Variants in CYRIB observed in about 807,000 individuals in gnomAD.
The protein encoded by CYRIB is CYFIP related Rac1 interactor B, also known as CYFIP-related Rac1 interactor B.
CYRIB carries 8 observed loss-of-function variants against 44.2 expected under a neutral mutation model. The observed-to-expected ratio is 0.18, with a 90% CI of 0.11 to 0.33. CYRIB has a LOEUF of 0.33. Among genes scored for constraint, CYRIB ranks in the 10% least tolerant of loss-of-function variants. The pLI is 1.00. For missense variants in CYRIB, 185 were observed against 382.8 expected, an observed-to-expected ratio of 0.48 and a Z score of 4.31; for synonymous variants, 131 against 127.2, an observed-to-expected ratio of 1.03 and a Z score of -0.20.
chr8:130,000,621 G>A (rs1200132651), intron 1 of CYRIB, among the ~76,000 whole-genome samples: 7 of 152,164 alleles, frequency 4.6e-5, no homozygotes, highest in Non-Finnish European at 1.0e-4. Flanking sequence ...AAACCCAAGA[G>A]GTTGAGGTTG....
chr8:129,983,720 G>A (rs1591740386), intron 1 of CYRIB, among the ~76,000 whole-genome samples: 1 of 152,144 alleles, frequency 6.6e-6, no homozygotes, highest in Admixed American at 6.5e-5. Flanking sequence ...CGGGGACGCT[G>A]GGGACGCGGG....
In CYRIB at chr8:129,963,696, A is replaced by G. The variant is rs193038485; in HGVS notation, c.-243+7247T>C. On this transcript the variant is annotated intron_variant, in intron 2 of 14. Coordinates refer to the CYRIB transcript ENST00000401979. Reference sequence around the variant, plus strand: ...AAAACCATTACATCCCACGTTGCACAGAAGGGCGATGATACTTAAAGCTCT... The same window carrying G: ...AAAACCATTACATCCCACGTTGCACGGAAGGGCGATGATACTTAAAGCTCT... 3.2e-4 allele frequency among the ~76,000 whole-genome samples: 49 copies of G among 152,344 alleles called. No individual in the cohort carries two copies. The East Asian group carries it at 8.7e-3, about 27-fold the overall frequency.
In CYRIB at chr8:129,933,896, A is replaced by G. The variant is rs568490332; in HGVS notation, c.-50+5712T>C. The stretch of plus-strand genomic sequence containing the variant: ...GACTCTGTCACACACACAAAAAAAA[A>G]AAGAAGAAGAAGAAGAAGAAGAAGA... On this transcript the variant is annotated intron_variant, in intron 1 of 11. Transcript: ENST00000519824. 8.0e-5 allele frequency among the ~76,000 whole-genome samples: 12 copies of G among 150,470 alleles called. No homozygotes were observed. In the East Asian group the frequency reaches 1.4e-3, roughly 17 times the overall value.
Position 129,948,275 on chromosome 8 carries a change from G to A in CYRIB, c.-243+22668C>T, listed in dbSNP as rs560265421. On this transcript the variant is annotated intron_variant, in intron 2 of 14. Transcript: ENST00000401979. ...GAGAAGAGGAAAAGATTTTCTGCACGCCTTCACTTCTTCCCAAGCCCTACC... is the reference window on the plus strand; with the variant it reads ...GAGAAGAGGAAAAGATTTTCTGCACACCTTCACTTCTTCCCAAGCCCTACC... Among the ~76,000 whole-genome samples the A allele has an allele frequency of 2.0e-5, 3 of 152,294 alleles. 1 individual carries two copies. The highest frequency in any genetic ancestry group is 1.5e-5 in the Non-Finnish European group (1 of 68,026).
intron 1 of CYRIB, among the ~76,000 whole-genome samples, chr8:129,987,222 C>T (rs550736857): frequency 6.6e-6 from 1 of 152,328 alleles, no homozygotes; most frequent in East Asian, 1.9e-4. Flanking sequence ...ACAGCTGGGG[C>T]CCCTGGATCA....
intron 1 of CYRIB, among the ~76,000 whole-genome samples, chr8:129,972,702 A>T (rs1372981977): frequency 1.3e-5 from 2 of 151,960 alleles, no homozygotes; most frequent in Admixed American, 1.3e-4. Flanking sequence ...TACACCATAC[A>T]CACATCCCAT....
chr8:129,883,122 A>AAAAAAAAAAAG (rs2061424459), intron 2 of CYRIB, among the ~76,000 whole-genome samples: 1 of 148,250 alleles, frequency 6.7e-6, no homozygotes, highest in South Asian at 2.2e-4. Context: ...CAAAAAAAAA[A>AAAAAAAAAAAG]AAAAAAAAAA....
At chr8:129,923,900 A>T (rs2085501377) in intron 1 of CYRIB, among the ~76,000 whole-genome samples, 1 of 149,804 alleles carries the variant, frequency 6.7e-6, no homozygotes, top group African/African-American at 2.5e-5. Context: ...GCTATAGATG[A>T]TAATTTTTTT....
At chr8:130,014,852 G>A (rs936060614) in intron 1 of CYRIB, among the ~76,000 whole-genome samples, 6 of 152,094 alleles carry the variant, frequency 3.9e-5, no homozygotes, top group African/African-American at 9.7e-5. Flanking sequence ...TCTGCATGCC[G>A]ACCAAGGTAG....
intron 2 of CYRIB, among the ~76,000 whole-genome samples, chr8:129,882,954 T>G (rs1039072764): frequency 6.6e-6 from 1 of 151,656 alleles, no homozygotes; most frequent in African/African-American, 2.4e-5. Flanking sequence ...TCCCAGCACT[T>G]TGGGATGCCA....
Position 129,895,631 on chromosome 8 carries a change from T to G in CYRIB, c.-11+7681A>C, listed in dbSNP as rs373527319. On this transcript the variant is annotated intron_variant, in intron 2 of 11. Coordinates refer to ENST00000519824, the Ensembl canonical transcript of CYRIB. Reference sequence around the variant, plus strand: ...TAATCTATGAATATGACAGATTACATAAATTCATTTTCTGTTGCTAAACCA... The same window carrying G: ...TAATCTATGAATATGACAGATTACAGAAATTCATTTTCTGTTGCTAAACCA... 4.7e-4 allele frequency among the ~76,000 whole-genome samples: 71 copies of G among 152,334 alleles called. 2 individuals are homozygous for G. The South Asian group carries it at 0.015, about 32-fold the overall frequency.
chr8:129,910,703 C>T (rs1057179701), intron 1 of CYRIB, among the ~76,000 whole-genome samples: 1 of 152,142 alleles, frequency 6.6e-6, no homozygotes. Context: ...GTGGCTGAGA[C>T]AAGAGGATGG....
intron 1 of CYRIB, among the ~76,000 whole-genome samples, chr8:129,977,163 G>T (rs942549050): frequency 5.3e-5 from 8 of 152,096 alleles, no homozygotes; most frequent in African/African-American, 1.9e-4. Flanking sequence ...GTTTCATGAA[G>T]GCCATTTCCA....
chr8:129,944,113 G>A (rs994890284), upstream of CYRIB, among the ~76,000 whole-genome samples: 4 of 151,918 alleles, frequency 2.6e-5, no homozygotes, highest in South Asian at 4.2e-4. Context: ...GTAAAGAGAC[G>A]CTTCTAACCA....
chr8:129,913,439 T>C (rs1421223884), intron 1 of CYRIB, among the ~76,000 whole-genome samples: 2 of 152,246 alleles, frequency 1.3e-5, no homozygotes, highest in Non-Finnish European at 2.9e-5. Context: ...TACACGTGCA[T>C]TCATTAGCTA....
intron 1 of CYRIB, among the ~76,000 whole-genome samples, chr8:129,996,220 T>C (rs111422772): frequency 6.6e-4 from 101 of 152,320 alleles, no homozygotes; most frequent in African/African-American, 2.2e-3. Flanking sequence ...CCACTTCCTA[T>C]GGGAAGCCCT....
At chr8:129,911,112 T>C (rs967650601) in intron 1 of CYRIB, among the ~76,000 whole-genome samples, 2 of 152,352 alleles carry the variant, frequency 1.3e-5, no homozygotes, top group East Asian at 3.9e-4. Context: ...AATATAAATG[T>C]ATAAAGTGAG....
At chr8:129,860,259 T>C (rs1340152170) in intron 5 of CYRIB, among the ~76,000 whole-genome samples, 1 of 152,222 alleles carries the variant, frequency 6.6e-6, no homozygotes, top group African/African-American at 2.4e-5. Context: ...TTACAATTAT[T>C]CTTTGTGTAT....
chr8:129,971,239 A>ATTG (rs1367267578), intron 1 of CYRIB, among the ~76,000 whole-genome samples: 1 of 152,080 alleles, frequency 6.6e-6, no homozygotes, highest in East Asian at 1.9e-4. Context: ...TCCCAGGTTC[A>ATTG]AGCAAGCATG....
Sources: gnomAD v4.1 joint callset for allele counts (sites outside exome capture counted in the v4.1 genomes callset) on GRCh38, gnomAD v4.1.1 for gene constraint, MANE v1.5 for transcripts, NCBI Gene and HGNC (gene_info 2026-07-23, HGNC 2026-07-21) for gene names.